FERRY3: variants seen among roughly 807,000 people sequenced by gnomAD.
The protein encoded by FERRY3 is protein C12orf4.
the FERRY3 span, chr12:4,500,402 G>A: frequency 1.4e-6 from 2 of 1,431,152 alleles, no homozygotes; most frequent in Admixed American, 3.5e-5. Flanking sequence ...TCATCAATGG[G>A]CTTTATAAGT....
chr12:4,512,475 G>C, the FERRY3 span, among the ~76,000 whole-genome samples: 1 of 152,236 alleles, frequency 6.6e-6, no homozygotes, highest in African/African-American at 2.4e-5. Context: ...GATGAACATT[G>C]ATGCAAAAAT....
At chr12:4,528,390 G>T in the FERRY3 span, among the ~76,000 whole-genome samples, 1 of 151,822 alleles carries the variant, frequency 6.6e-6, no homozygotes, top group East Asian at 1.9e-4. Context: ...ACAATTTTAT[G>T]GGCTACATAA....
At chr12:4,515,081 A>C in the FERRY3 span, among the ~76,000 whole-genome samples, 1 of 130,070 alleles carries the variant, frequency 7.7e-6, no homozygotes, top group Non-Finnish European at 1.9e-5. Flanking sequence ...AAAGTATAAT[A>C]ATAAATAAAT....
At chr12:4,528,527 A>G in the FERRY3 span, among the ~76,000 whole-genome samples, 1 of 152,258 alleles carries the variant, frequency 6.6e-6, no homozygotes, top group East Asian at 1.9e-4. Context: ...CTGGTCAACA[A>G]ACCAAACCTA....
At chr12:4,503,098 C>T in the FERRY3 span, among the ~76,000 whole-genome samples, 1 of 152,160 alleles carries the variant, frequency 6.6e-6, no homozygotes, top group Non-Finnish European at 1.5e-5. Flanking sequence ...GGCCATGATC[C>T]AGGAGTGTAG....
At chr12:4,523,635 A>T in the FERRY3 span, among the ~76,000 whole-genome samples, 1 of 152,246 alleles carries the variant, frequency 6.6e-6, no homozygotes, top group African/African-American at 2.4e-5. Flanking sequence ...AGCCATAAAA[A>T]AGGATGAGTT....
chr12:4,496,235 A>C, the FERRY3 span, among the ~76,000 whole-genome samples: 1 of 152,316 alleles, frequency 6.6e-6, no homozygotes, highest in African/African-American at 2.4e-5. Flanking sequence ...GGGTACTTAG[A>C]AAAAGTAAAC....
the FERRY3 span, among the ~76,000 whole-genome samples, chr12:4,524,546 A>T: frequency 6.6e-6 from 1 of 152,176 alleles, no homozygotes; most frequent in Non-Finnish European, 1.5e-5. Flanking sequence ...CTGACATTAT[A>T]CAAATAAAAT....
At chr12:4,492,031 G>C in the FERRY3 span, among the ~76,000 whole-genome samples, 2 of 152,168 alleles carry the variant, frequency 1.3e-5, no homozygotes, top group African/African-American at 4.8e-5. Context: ...CTGGGCAACA[G>C]AGTGAGACCC....
At chr12:4,526,254 C>T in the FERRY3 span, among the ~76,000 whole-genome samples, 1 of 152,108 alleles carries the variant, frequency 6.6e-6, no homozygotes, top group Non-Finnish European at 1.5e-5. Flanking sequence ...AAAGAGGACT[C>T]TGTAATGCTG....
chr12:4,537,362 T>C, the FERRY3 span, among the ~76,000 whole-genome samples: 2 of 152,322 alleles, frequency 1.3e-5, no homozygotes, highest in Non-Finnish European at 2.9e-5. Flanking sequence ...ATGGCACTTA[T>C]CACGCTCTAT....
the FERRY3 span, among the ~76,000 whole-genome samples, chr12:4,508,048 T>G: frequency 3.9e-5 from 6 of 152,196 alleles, no homozygotes; most frequent in African/African-American, 1.4e-4. Flanking sequence ...ACATATAAAC[T>G]ATTTTTTACA....
the FERRY3 span, among the ~76,000 whole-genome samples, chr12:4,498,133 C>T: frequency 6.6e-6 from 1 of 152,180 alleles, no homozygotes; most frequent in Non-Finnish European, 1.5e-5. Context: ...ACTTTTGTAA[C>T]ATTGTGGGAG....
chr12:4,521,166 CTGGCCAACA>C, the FERRY3 span, among the ~76,000 whole-genome samples: 1 of 152,158 alleles, frequency 6.6e-6, no homozygotes, highest in Non-Finnish European at 1.5e-5. Flanking sequence ...CAAGACCAGC[CTGGCCAACA>C]TGGTGAAACA....
chr12:4,514,338 G>A, the FERRY3 span, among the ~76,000 whole-genome samples: 27 of 151,182 alleles, frequency 1.8e-4, no homozygotes, highest in African/African-American at 4.7e-4. Context: ...TCAGTGTGGC[G>A]ATTCCTCAGG....
chr12:4,524,474 G>A, the FERRY3 span, among the ~76,000 whole-genome samples: 4 of 151,314 alleles, frequency 2.6e-5, no homozygotes, highest in Non-Finnish European at 5.9e-5. Context: ...ATGTGCTAGT[G>A]TCAAGAGCTA....
chr12:4,518,939 A>G, the FERRY3 span: 1 of 1,148,100 alleles, frequency 8.7e-7, no homozygotes, highest in Non-Finnish European at 1.2e-6. Flanking sequence ...TTCTTAAAGG[A>G]AAGCTTTATA....
At chr12:4,530,516 TA>T in the FERRY3 span, among the ~76,000 whole-genome samples, 2 of 152,138 alleles carry the variant, frequency 1.3e-5, no homozygotes, top group African/African-American at 2.4e-5. Context: ...TTTTCATTAT[TA>T]AAAAAATACT....
chr12:4,512,587 T>C, the FERRY3 span, among the ~76,000 whole-genome samples: 1 of 151,602 alleles, frequency 6.6e-6, no homozygotes, highest in African/African-American at 2.4e-5. Context: ...TGATTCAATA[T>C]ACGCAAATCA....
Sources: allele counts gnomAD v4.1 joint callset (sites outside exome capture counted in the v4.1 genomes callset), GRCh38; gene constraint gnomAD v4.1.1; transcripts MANE v1.5; gene names NCBI Gene and HGNC (gene_info 2026-07-23, HGNC 2026-07-21).